The following B3GALT1 variants were observed in gnomAD, a reference collection of about 807,000 sequenced individuals.
B3GALT1 encodes UDP-Gal:betaGlcNAc beta 1,3-galactosyltransferase, polypeptide 1.
Under a neutral mutation model 23.2 loss-of-function variants are expected in B3GALT1, and 10 were observed. The observed-to-expected ratio is 0.43, with a 90% CI of 0.27 to 0.73. The LOEUF (loss-of-function observed/expected upper bound fraction) is 0.73. Among genes scored for constraint, B3GALT1 ranks in the 30% least tolerant of loss-of-function variants. The pLI is 0.21. For missense variants in B3GALT1, 299 were observed against 405.4 expected, an observed-to-expected ratio of 0.74 and a Z score of 2.25; for synonymous variants, 156 against 141.5, an observed-to-expected ratio of 1.10 and a Z score of -0.73.
chr2:167,306,411 G>A (rs1696552719), intron 1 of B3GALT1, among the ~76,000 whole-genome samples: 1 of 151,828 alleles, frequency 6.6e-6, no homozygotes, highest in Non-Finnish European at 1.5e-5. Flanking sequence ...GTTGTAAAAT[G>A]GTGAAAATAG....
chr2:167,320,396 C>T (rs1486427878), intron 1 of B3GALT1, among the ~76,000 whole-genome samples: 1 of 151,866 alleles, frequency 6.6e-6, no homozygotes, highest in East Asian at 1.9e-4. Context: ...CACCATGTTG[C>T]TCAGGCTGGT....
chr2:167,589,342 A>G (rs1684635545), intron 2 of B3GALT1, among the ~76,000 whole-genome samples: 1 of 152,070 alleles, frequency 6.6e-6, no homozygotes. Context: ...GTGGTTGTAC[A>G]TATTAGTCTT....
intron 1 of B3GALT1, among the ~76,000 whole-genome samples, chr2:167,305,200 C>T (rs1037420276): frequency 2.6e-5 from 4 of 152,132 alleles, no homozygotes; most frequent in East Asian, 3.9e-4. Flanking sequence ...TATGCACATA[C>T]AGACACGAAA....
At chr2:167,302,690 T>G (rs1696469769) in intron 1 of B3GALT1, among the ~76,000 whole-genome samples, 1 of 152,182 alleles carries the variant, frequency 6.6e-6, no homozygotes, top group Non-Finnish European at 1.5e-5. Context: ...TACGTGTATC[T>G]TATCAGTTGT....
At position 167,763,072 on chromosome 2, in the gene B3GALT1, C is replaced by T. The variant is rs114134739; in HGVS notation, c.-351-55600C>T. ...TCATAGAGAGTCTTAATAAATACTC[C>T]GTAAGTGATCTCTAGGTTTCAAAAT... On this transcript the variant is annotated intron_variant, in intron 3 of 4. Coordinates refer to ENST00000392690, the MANE Select transcript of B3GALT1 (RefSeq NM_020981.4). Among the ~76,000 whole-genome samples, 933 of 152,114 alleles carry T rather than the reference C, an allele frequency of 6.1e-3. 9 individuals carry two copies. The highest frequency in any genetic ancestry group is 0.021 in the African/African-American group (884 of 41,480).
intron 4 of B3GALT1, among the ~76,000 whole-genome samples, chr2:167,843,593 A>G (rs1286752967): frequency 6.6e-6 from 1 of 152,186 alleles, no homozygotes; most frequent in Non-Finnish European, 1.5e-5. Context: ...AAGCTCTGAG[A>G]TAAATAACCA....
chr2:167,791,192 A>T (rs1464884312), intron 3 of B3GALT1, among the ~76,000 whole-genome samples: 3 of 152,234 alleles, frequency 2.0e-5, no homozygotes, highest in African/African-American at 4.8e-5. Flanking sequence ...ACACATGAGG[A>T]AACTAAAGCA....
At chr2:167,438,818 C>G (rs1324312364) in intron 1 of B3GALT1, among the ~76,000 whole-genome samples, 1 of 152,216 alleles carries the variant, frequency 6.6e-6, no homozygotes, top group African/African-American at 2.4e-5. Context: ...ACATTTCAAA[C>G]TTCTCAGAAC....
chr2:167,343,850 G>A (rs1375280908), intron 1 of B3GALT1, among the ~76,000 whole-genome samples: 1 of 152,088 alleles, frequency 6.6e-6, no homozygotes, highest in Non-Finnish European at 1.5e-5. Flanking sequence ...GGGAAAGATG[G>A]AAGAAGCTAA....
intron 2 of B3GALT1, among the ~76,000 whole-genome samples, chr2:167,617,101 A>G (rs1162576178): frequency 2.6e-5 from 4 of 152,070 alleles, no homozygotes; most frequent in African/African-American, 9.7e-5. Context: ...AGCACACAGG[A>G]ACTTTTTGTT....
chr2:167,715,416 G>C (rs1188517030), intron 3 of B3GALT1: 1 of 1,611,178 alleles, frequency 6.2e-7, no homozygotes, highest in Non-Finnish European at 8.5e-7. Context: ...TCCTGAAGTT[G>C]AGAATTTTCA....
intron 2 of B3GALT1, among the ~76,000 whole-genome samples, chr2:167,492,596 A>G (rs1699725706): frequency 6.6e-6 from 1 of 152,208 alleles, no homozygotes; most frequent in African/African-American, 2.4e-5. Context: ...TCCCACCAGC[A>G]CTGAAAGAAC....
intron 2 of B3GALT1, among the ~76,000 whole-genome samples, chr2:167,507,636 A>G (rs184238012): frequency 6.6e-6 from 1 of 152,186 alleles, no homozygotes; most frequent in South Asian, 2.1e-4. Flanking sequence ...GGAAAATTAC[A>G]CTAATATATA....
chr2:167,819,043 C>T (rs13396505), intron 4 of B3GALT1, among the ~76,000 whole-genome samples: 3,136 of 151,900 alleles, frequency 0.021, 116 homozygotes, highest in African/African-American at 0.072. Context: ...ATGTGTAGGA[C>T]GTGCAGGAAA....
intron 2 of B3GALT1, among the ~76,000 whole-genome samples, chr2:167,516,317 C>T (rs1269647132): frequency 6.6e-6 from 1 of 152,132 alleles, no homozygotes; most frequent in East Asian, 1.9e-4. Context: ...CCATCCTCAA[C>T]ACTTCTGCCT....
At chr2:167,492,015 C>T (rs1404002928) in intron 2 of B3GALT1, among the ~76,000 whole-genome samples, 1 of 152,124 alleles carries the variant, frequency 6.6e-6, no homozygotes, top group East Asian at 1.9e-4. Context: ...CATAAGGTTT[C>T]AGTCTTTATA....
chr2:167,650,905 C>T (rs1028728343), intron 3 of B3GALT1, among the ~76,000 whole-genome samples: 1 of 152,116 alleles, frequency 6.6e-6, no homozygotes, highest in South Asian at 2.1e-4. Flanking sequence ...CCAATTTCTT[C>T]ACCGAAACAA....
At chr2:167,398,022 C>A (rs1698123779) in intron 1 of B3GALT1, among the ~76,000 whole-genome samples, 1 of 152,112 alleles carries the variant, frequency 6.6e-6, no homozygotes. Flanking sequence ...TGTTGTGGAG[C>A]AATTAATCTT....
intron 3 of B3GALT1, among the ~76,000 whole-genome samples, chr2:167,794,972 A>G (rs1408008243): frequency 6.6e-6 from 1 of 152,192 alleles, no homozygotes; most frequent in Non-Finnish European, 1.5e-5. Context: ...TATGTAAAAT[A>G]CATTTCATAG....
Sources: gnomAD v4.1 joint callset for allele counts (sites outside exome capture counted in the v4.1 genomes callset) on GRCh38, gnomAD v4.1.1 for gene constraint, MANE v1.5 for transcripts, NCBI Gene and HGNC (gene_info 2026-07-23, HGNC 2026-07-21) for gene names.